TMEM39A: variants seen among roughly 807,000 people sequenced by gnomAD.
TMEM39A encodes the protein transmembrane protein 39A, also known as suppressor of SQST-1 aggregates in rpl-43 mutants.
A neutral mutation model predicts 51.9 loss-of-function variants in TMEM39A; 19 were observed. The ratio of observed to expected loss-of-function variants is 0.37; its 90% CI spans 0.26 to 0.54. TMEM39A has a LOEUF of 0.54. TMEM39A is among the 20% of genes least tolerant of loss of function. The probability of loss-of-function intolerance (pLI) is 0.88; values close to 1 mark genes in which losing one functional copy is unlikely to be tolerated. For missense variants in TMEM39A, 433 were observed against 590.5 expected (o/e 0.73, Z 2.76); for synonymous variants, 197 against 220.2 (o/e 0.89, Z 0.93).
intron 2 of TMEM39A, 71 bp from the exon 3 acceptor site, chr3:119,458,311 C>A: frequency 7.6e-7 from 1 of 1,312,336 alleles, no homozygotes; most frequent in Non-Finnish European, 1.1e-6. Flanking sequence ...AGGGCTCCTG[C>A]TGTCTCCTCC....
Position 119,430,289 on chromosome 3 carries a change from C to T in TMEM39A, c.*1692G>A, listed in dbSNP as rs1274267510. 2 of 152,120 alleles carry T rather than the reference C, an allele frequency of 1.3e-5. No homozygotes were observed. The highest frequency in any genetic ancestry group is 2.9e-5 in the Non-Finnish European group (2 of 67,980). The allele number at this position is 152,120 out of a possible 1,614,324, so 9.4% of individuals were successfully genotyped here. A position where few individuals can be genotyped will look rare whatever the true frequency, so the allele number is the denominator to read the frequency against. ...AAGCTATTTATATGATTCAGTCTTGCTTTTTCTTTGCTTAAAAATCATCTC... is the reference window on the plus strand; with the variant it reads ...AAGCTATTTATATGATTCAGTCTTGTTTTTTCTTTGCTTAAAAATCATCTC... On this transcript the variant is annotated 3_prime_UTR_variant, in exon 9 of 9. Coordinates refer to ENST00000319172, the MANE Select transcript of TMEM39A (RefSeq NM_018266.3).
At position 119,430,898 on chromosome 3, in the gene TMEM39A, G is replaced by A. The variant is rs2080889805; in HGVS notation, c.*1083C>T. ...ATATATTTTAGATTCTCTAAGACAA[G>A]GTCTCATAAGTTTAGATGACAAGTG... is the stretch of plus-strand genomic sequence containing the variant. On this transcript the variant is annotated 3_prime_UTR_variant, in exon 9 of 9. Coordinates refer to ENST00000319172, the MANE Select transcript of TMEM39A (RefSeq NM_018266.3). 2.6e-5 allele frequency: 4 copies of A among 152,008 alleles called. No homozygotes were observed. The allele number at this position is 152,008 out of a possible 1,614,324, so 9.4% of individuals were successfully genotyped here. A position where few individuals can be genotyped will look rare whatever the true frequency, so the allele number is the denominator to read the frequency against.
rs1458215556 is a variant in TMEM39A, at chr3:119,461,942, T to C, written c.113+20A>G. ...GATCAAAGGACATTAAAATTATATATAGCCTTATTTTTTCTTTACCTGTTT... is the reference window on the plus strand; with the variant it reads ...GATCAAAGGACATTAAAATTATATACAGCCTTATTTTTTCTTTACCTGTTT... On this transcript the variant is annotated intron_variant, in intron 2 of 8. Transcript: ENST00000319172. 6.3e-7 allele frequency: 1 copy of C among 1,579,544 alleles called. No homozygotes were observed. Among genetic ancestry groups the C allele is most frequent in the South Asian group, 1.1e-5 (1 of 89,542 alleles).
Position 119,431,312 on chromosome 3 carries a change from C to T in TMEM39A, c.*669G>A, listed in dbSNP as rs2080896574. 1 of 152,150 alleles carries T rather than the reference C, an allele frequency of 6.6e-6. No individual in the cohort carries two copies. The highest frequency in any genetic ancestry group is 2.4e-5 in the African/African-American group (1 of 41,426). 9.4% of individuals were successfully genotyped at this position (152,150 alleles called of 1,614,324 possible). A position where few individuals can be genotyped will look rare whatever the true frequency, so the allele number is the denominator to read the frequency against. ...TCTGGCAAAGTATTATTTCAAACAA[C>T]TAAGAGGAAAATCTTTGGAAGCAGA... is the stretch of plus-strand genomic sequence containing the variant. On this transcript the variant is annotated 3_prime_UTR_variant, in exon 9 of 9. Coordinates refer to ENST00000319172, the MANE Select transcript of TMEM39A (RefSeq NM_018266.3).
intron 4 of TMEM39A, among the ~76,000 whole-genome samples, chr3:119,448,433 C>T (rs1053786712): frequency 1.1e-4 from 16 of 152,130 alleles, no homozygotes; most frequent in African/African-American, 3.6e-4. Context: ...TTTCAGGTCC[C>T]TCCTATATAT....
chr3:119,440,069 GAGA>G (rs1292110820), intron 5 of TMEM39A, among the ~76,000 whole-genome samples: 1 of 152,292 alleles, frequency 6.6e-6, no homozygotes, highest in East Asian at 1.9e-4. Context: ...CACCCAGACA[GAGA>G]AGAAGTATTA....
chr3:119,461,257 T>C (rs1237195456), intron 2 of TMEM39A, among the ~76,000 whole-genome samples: 1 of 152,020 alleles, frequency 6.6e-6, no homozygotes. Flanking sequence ...TCAGAACTAA[T>C]TTTAAAGATT....
intron 7 of TMEM39A, chr3:119,435,611 T>C: frequency 3.0e-6 from 3 of 983,762 alleles, no homozygotes; most frequent in Non-Finnish European, 3.6e-6. Flanking sequence ...TTAATTCATC[T>C]CTTCCTGATT....
chr3:119,434,846 C>T lies in TMEM39A; in HGVS notation c.1149G>A (p.Leu383=). The change falls in exon 8 of 9, where the codon CTG becomes CTA. Residue 383 remains leucine, a synonymous_variant. Transcript: ENST00000319172. ...SENTIWPQGV[L]VRHSRCLYRA... ...TATATAAACATCTGCTGTGCCGCAC[C>T]AGCACCCCTTGAGGCCATATTGTAT... 1 of 1,613,728 alleles carries T rather than the reference C, an allele frequency of 6.2e-7. No homozygotes were observed. The highest frequency in any genetic ancestry group is 8.5e-7 in the Non-Finnish European group (1 of 1,179,692).
chr3:119,459,220 T>C (rs189803809), intron 2 of TMEM39A, among the ~76,000 whole-genome samples: 5 of 152,326 alleles, frequency 3.3e-5, no homozygotes, highest in African/African-American at 1.2e-4. Flanking sequence ...CCTAAATAAC[T>C]AGAGTGGCTC....
intron 4 of TMEM39A, among the ~76,000 whole-genome samples, chr3:119,452,201 T>C (rs866392289): frequency 1.5e-4 from 23 of 152,360 alleles, no homozygotes; most frequent in Middle Eastern, 3.4e-3. Context: ...GTTTAAATTG[T>C]ACTGAAAAAC....
chr3:119,461,925 G>T, intron 2 of TMEM39A, 37 bp downstream of exon 2: 6 of 1,488,610 alleles, frequency 4.0e-6, no homozygotes, highest in African/African-American at 2.8e-5. Context: ...CTGATCAAAG[G>T]ACATTAAAAT....
At chr3:119,459,972 C>T (rs2081316981) in intron 2 of TMEM39A, among the ~76,000 whole-genome samples, 1 of 152,056 alleles carries the variant, frequency 6.6e-6, no homozygotes, top group Non-Finnish European at 1.5e-5. Context: ...TTCATGTTTT[C>T]ATACCTCGTC....
chr3:119,450,619 C>G (rs776112845), intron 4 of TMEM39A, among the ~76,000 whole-genome samples: 2 of 151,890 alleles, frequency 1.3e-5, no homozygotes, highest in Non-Finnish European at 2.9e-5. Context: ...ACCAGAAGTT[C>G]GAGACCAGCC....
At chr3:119,448,507 C>T (rs974312745) in intron 4 of TMEM39A, among the ~76,000 whole-genome samples, 2 of 152,152 alleles carry the variant, frequency 1.3e-5, no homozygotes, top group Non-Finnish European at 2.9e-5. Context: ...ATACTGTATA[C>T]TGAATACTAT....
intron 5 of TMEM39A, among the ~76,000 whole-genome samples, chr3:119,445,720 AATGG>A (rs1401060868): frequency 1.3e-5 from 2 of 152,242 alleles, no homozygotes; most frequent in Non-Finnish European, 2.9e-5. Context: ...AAGATGGACT[AATGG>A]ATAGAGGGAT....
At chr3:119,457,957 G>T in intron 3 of TMEM39A, 61 bp downstream of exon 3, 1 of 1,267,800 alleles carries the variant, frequency 7.9e-7, no homozygotes, top group Non-Finnish European at 1.1e-6. Context: ...CTACAGAAAG[G>T]CTTTCCAGGT....
At chr3:119,455,213 A>G (rs2107685849) in intron 3 of TMEM39A, among the ~76,000 whole-genome samples, 1 of 152,348 alleles carries the variant, frequency 6.6e-6, no homozygotes, top group East Asian at 1.9e-4. Flanking sequence ...CCAGGTAACC[A>G]CCTTCCACAC....
intron 2 of TMEM39A, 56 bp downstream of exon 2, chr3:119,461,906 T>C: frequency 7.5e-7 from 1 of 1,327,242 alleles, no homozygotes; most frequent in Non-Finnish European, 1.1e-6. Flanking sequence ...GACTTTTATG[T>C]TAGTCTTACT....
Sources: allele counts gnomAD v4.1 joint callset (sites outside exome capture counted in the v4.1 genomes callset), GRCh38; gene constraint gnomAD v4.1.1; transcripts MANE v1.5; gene names NCBI Gene and HGNC (gene_info 2026-07-23, HGNC 2026-07-21).